ANKRD36C: variants seen among roughly 807,000 people sequenced by gnomAD.
The protein encoded by ANKRD36C is ankyrin repeat domain-containing protein 36C.
A neutral mutation model predicts 276.4 loss-of-function variants in ANKRD36C; 61 were observed. The observed-to-expected ratio is 0.22, with a 90% CI of 0.18 to 0.27. ANKRD36C has a LOEUF of 0.27. ANKRD36C is among the 10% of genes least tolerant of loss of function. The pLI is 1.00. For synonymous variants in ANKRD36C, 483 were observed against 680.1 expected (o/e 0.71, Z 4.51); for missense variants, 1,447 against 2,032.3 (o/e 0.71, Z 5.54).
At chr2:95,866,609 A>T (rs1421570917) in intron 60 of ANKRD36C, among the ~76,000 whole-genome samples, 1 of 152,156 alleles carries the variant, frequency 6.6e-6, no homozygotes, top group Non-Finnish European at 1.5e-5. Flanking sequence ...GAATAACTAA[A>T]ATTTAAAAAA....
intron 42 of ANKRD36C, among the ~76,000 whole-genome samples, 162 bp from the exon 47 acceptor site, chr2:95,908,859 G>A (rs1284951558): frequency 6.6e-6 from 1 of 151,274 alleles, no homozygotes; most frequent in African/African-American, 2.4e-5. Context: ...ACAGAAATAC[G>A]CTGAGAAAAG....
At chr2:95,849,943 T>C (rs1675253809), downstream of ANKRD36C, among the ~76,000 whole-genome samples, 1 of 152,186 alleles carries the variant, frequency 6.6e-6, no homozygotes, top group Non-Finnish European at 1.5e-5. Context: ...TGGACCTGTC[T>C]GTGACCTGGG....
intron 58 of ANKRD36C, 122 bp from the exon 79 acceptor site, chr2:95,876,634 G>A (rs1264385463): frequency 4.8e-6 from 3 of 620,040 alleles, no homozygotes; most frequent in Admixed American, 2.8e-5. Flanking sequence ...GGTGGATCAC[G>A]AGGTCAGGAG....
intron 1 of ANKRD36C, among the ~76,000 whole-genome samples, chr2:95,990,556 C>T (rs1679118230): frequency 6.6e-6 from 1 of 152,172 alleles, no homozygotes; most frequent in Non-Finnish European, 1.5e-5. Context: ...TTAATGTCGT[C>T]ACAATAGTAA....
At chr2:95,880,550 G>A (rs1676053679) in intron 57 of ANKRD36C, 45 bp downstream of exon 77, 3 of 1,532,548 alleles carry the variant, frequency 2.0e-6, no homozygotes, top group Non-Finnish European at 1.8e-6. Flanking sequence ...TATTGGTATA[G>A]GTTATGCAGT....
chr2:95,859,160 A>C (rs1178351342), intron 61 of ANKRD36C, among the ~76,000 whole-genome samples: 1 of 151,708 alleles, frequency 6.6e-6, no homozygotes, highest in African/African-American at 2.4e-5. Context: ...CAGCCTCCTG[A>C]GTAGCTGGGA....
chr2:95,955,571 C>T (rs1678308004), intron 13 of ANKRD36C, among the ~76,000 whole-genome samples: 1 of 152,088 alleles, frequency 6.6e-6, no homozygotes, highest in Non-Finnish European at 1.5e-5. Flanking sequence ...CATTCTTATT[C>T]ACTTTCATTG....
At chr2:95,924,334 C>G (rs1215912850) in intron 30 of ANKRD36C, among the ~76,000 whole-genome samples, 1 of 151,482 alleles carries the variant, frequency 6.6e-6, no homozygotes, top group Non-Finnish European at 1.5e-5. Context: ...TTTCTTCATC[C>G]ACTAATGGCA....
chr2:95,912,908 A>T (rs1010148674), intron 40 of ANKRD36C, among the ~76,000 whole-genome samples: 1 of 151,400 alleles, frequency 6.6e-6, no homozygotes, highest in African/African-American at 2.4e-5. Flanking sequence ...TTACGATGAC[A>T]CTTCAGTTGA....
chr2:95,920,064 G>C, intron 34 of ANKRD36C, 144 bp from the exon 35 acceptor site: 1 of 1,029,432 alleles, frequency 9.7e-7, no homozygotes, highest in Non-Finnish European at 1.4e-6. Context: ...TCTTGGGACT[G>C]GAACATGACA....
intron 19 of ANKRD36C, among the ~76,000 whole-genome samples, chr2:95,942,192 A>G (rs1162194114): frequency 1.5e-4 from 23 of 150,632 alleles, no homozygotes; most frequent in African/African-American, 5.8e-4. Context: ...GAGAAGGTCA[A>G]CATTTGTAAA....
At chr2:95,916,353 G>A (rs1390641401) in intron 36 of ANKRD36C, among the ~76,000 whole-genome samples, 182 bp from the exon 39 acceptor site, 9 of 151,476 alleles carry the variant, frequency 5.9e-5, no homozygotes, top group East Asian at 3.9e-4. Flanking sequence ...GGGAACACAG[G>A]CTCCATGAAA....
chr2:95,927,688 C>T (rs62153706), intron 26 of ANKRD36C, among the ~76,000 whole-genome samples: 12 of 151,564 alleles, frequency 7.9e-5, no homozygotes, highest in East Asian at 3.9e-4. Context: ...GTGGATATGC[C>T]GAGTGATGAG....
chr2:95,959,688 A>G (rs1247097018), intron 10 of ANKRD36C, among the ~76,000 whole-genome samples: 4 of 152,216 alleles, frequency 2.6e-5, no homozygotes, highest in Admixed American at 2.6e-4. Flanking sequence ...TTTTCATTAA[A>G]TTGCTATTTT....
exon 63 of ANKRD36C, chr2:95,855,778 T>A: frequency 2.2e-5 from 35 of 1,613,910 alleles, no homozygotes; most frequent in Non-Finnish European, 2.9e-5. Context: ...TTATCTACTG[T>A]GCCCTGGAAA....
chr2:95,960,445 T>G (rs1678432766), intron 10 of ANKRD36C, 28 bp downstream of exon 10: 1 of 1,540,512 alleles, frequency 6.5e-7, no homozygotes, highest in Non-Finnish European at 8.7e-7. Flanking sequence ...TCAGTGAACG[T>G]GGCATTAAAT....
At chr2:95,959,066 G>T (rs75486278) in intron 10 of ANKRD36C, among the ~76,000 whole-genome samples, 2 of 151,912 alleles carry the variant, frequency 1.3e-5, no homozygotes, top group Non-Finnish European at 2.9e-5. Flanking sequence ...TGGATATGCC[G>T]AGTGATGAGG....
At chr2:95,908,099 C>T (rs1676796234) in intron 42 of ANKRD36C, among the ~76,000 whole-genome samples, 1 of 150,700 alleles carries the variant, frequency 6.6e-6, no homozygotes, top group Admixed American at 6.6e-5. Context: ...GTTCTCCTAA[C>T]AGTGTCTACG....
At chr2:95,908,551 A>G (rs1399230010) in intron 42 of ANKRD36C, 2 of 1,554,260 alleles carry the variant, frequency 1.3e-6, no homozygotes, top group South Asian at 1.2e-5. Context: ...TATTCAAAAG[A>G]GAATCTTTCT....
Sources: allele counts gnomAD v4.1 joint callset (sites outside exome capture counted in the v4.1 genomes callset), GRCh38; gene constraint gnomAD v4.1.1; transcripts MANE v1.5; gene names NCBI Gene and HGNC (gene_info 2026-07-23, HGNC 2026-07-21).